The following DPP10 variants were observed in gnomAD, a reference collection of about 807,000 sequenced individuals.
DPP10 encodes inactive dipeptidyl peptidase 10.
In DPP10, 33 loss-of-function variants were observed where a neutral mutation model predicts 120.9. That is an observed-to-expected ratio of 0.27 (90% confidence interval 0.21 to 0.37). DPP10 has a LOEUF of 0.37. DPP10 is among the 10% of genes least tolerant of loss of function. The pLI is 1.00. For missense variants in DPP10, 816 were observed against 942.8 expected (o/e 0.87, Z 1.76); for synonymous variants, 337 against 326.1 (o/e 1.03, Z -0.36).
At chr2:115,733,153 A>T (rs2092951159) in intron 8 of DPP10, among the ~76,000 whole-genome samples, 1 of 152,204 alleles carries the variant, frequency 6.6e-6, no homozygotes, top group South Asian at 2.1e-4. Flanking sequence ...CAATATTCTT[A>T]TCAGCAGATT....
At chr2:114,978,418 G>A (rs1047277370) in intron 1 of DPP10, among the ~76,000 whole-genome samples, 3 of 152,106 alleles carry the variant, frequency 2.0e-5, no homozygotes, top group African/African-American at 7.2e-5. Context: ...TATAACCAAC[G>A]TTTCTGTACA....
chr2:115,124,992 A>G (rs936322384), intron 1 of DPP10, among the ~76,000 whole-genome samples: 1 of 152,240 alleles, frequency 6.6e-6, no homozygotes, highest in African/African-American at 2.4e-5. Context: ...AAATAAAACC[A>G]GACTCCATGC....
At chr2:115,032,434 G>A (rs1019995521) in intron 1 of DPP10, among the ~76,000 whole-genome samples, 2 of 152,080 alleles carry the variant, frequency 1.3e-5, no homozygotes, top group Non-Finnish European at 2.9e-5. Context: ...AAATATTTGC[G>A]AACAGTGTGA....
At chr2:115,708,583 T>C (rs1466483732) in intron 7 of DPP10, among the ~76,000 whole-genome samples, 1 of 152,184 alleles carries the variant, frequency 6.6e-6, no homozygotes, top group East Asian at 1.9e-4. Context: ...CCACTAACTT[T>C]TTTGATTTCC....
At chr2:115,004,677 G>T (rs186388613) in intron 1 of DPP10, among the ~76,000 whole-genome samples, 2 of 152,112 alleles carry the variant, frequency 1.3e-5, no homozygotes, top group African/African-American at 2.4e-5. Flanking sequence ...AAAAAACGGC[G>T]CACCATGAGA....
intron 1 of DPP10, among the ~76,000 whole-genome samples, chr2:114,969,184 A>G (rs1699233181): frequency 6.6e-6 from 1 of 152,244 alleles, no homozygotes; most frequent in Non-Finnish European, 1.5e-5. Context: ...CTGATGTCAT[A>G]TACTTGTCAC....
chr2:114,468,827 G>A (rs1679651111), intron 1 of DPP10, among the ~76,000 whole-genome samples: 1 of 152,146 alleles, frequency 6.6e-6, no homozygotes, highest in Non-Finnish European at 1.5e-5. Context: ...CACTTGAGAA[G>A]TTAATGAAAT....
chr2:115,457,191 G>A (rs985449797), intron 3 of DPP10, among the ~76,000 whole-genome samples: 8 of 151,818 alleles, frequency 5.3e-5, no homozygotes, highest in African/African-American at 1.9e-4. Context: ...TCAACAAATG[G>A]TGATAGGAAA....
intron 1 of DPP10, among the ~76,000 whole-genome samples, chr2:114,724,567 C>T (rs1701919004): frequency 6.6e-6 from 1 of 152,132 alleles, no homozygotes; most frequent in African/African-American, 2.4e-5. Flanking sequence ...GAGAGTCAAG[C>T]ACATGCACAA....
chr2:114,792,014 G>T (rs1475603925), intron 1 of DPP10, among the ~76,000 whole-genome samples: 1 of 152,112 alleles, frequency 6.6e-6, no homozygotes, highest in Non-Finnish European at 1.5e-5. Context: ...TATGAGACAC[G>T]AATGTTGGCA....
In DPP10 at chr2:115,001,471, C is replaced by T. The variant is rs372813141; in HGVS notation, c.61-307768C>T. ...GAATGGGCAAAAGCTGGAAGCATTC[C>T]GCTTGAGAACCACGAGACAACAAAA... On this transcript the variant is annotated intron_variant, in intron 1 of 25. Coordinates refer to ENST00000410059, the MANE Select transcript of DPP10 (RefSeq NM_020868.6). 1.2e-3 allele frequency among the ~76,000 whole-genome samples: 187 copies of T among 152,190 alleles called. 1 individual carries two copies. In the Middle Eastern group the frequency reaches 0.02, roughly 17 times the overall value.
chr2:115,796,958 C>T (rs895317742), intron 19 of DPP10, among the ~76,000 whole-genome samples: 5 of 152,000 alleles, frequency 3.3e-5, no homozygotes, highest in African/African-American at 1.2e-4. Flanking sequence ...CTGTATTACC[C>T]AATGCTGCCT....
chr2:115,076,671 A>G (rs1215890634), intron 1 of DPP10, among the ~76,000 whole-genome samples: 4 of 152,150 alleles, frequency 2.6e-5, no homozygotes, highest in Non-Finnish European at 5.9e-5. Context: ...ATGTTGGTAA[A>G]GGTTACTAAT....
chr2:115,289,300 A>G (rs2060541095), intron 1 of DPP10, among the ~76,000 whole-genome samples: 1 of 151,988 alleles, frequency 6.6e-6, no homozygotes, highest in Non-Finnish European at 1.5e-5. Flanking sequence ...ACAAATGGAC[A>G]AACAGACAAC....
intron 1 of DPP10, among the ~76,000 whole-genome samples, chr2:114,980,466 A>G (rs1463115007): frequency 6.6e-6 from 1 of 152,102 alleles, no homozygotes; most frequent in African/African-American, 2.4e-5. Context: ...ACACTCAAGA[A>G]TATGGTTAAG....
Position 115,044,415 on chromosome 2 carries a change from C to T in DPP10, c.61-264824C>T, listed in dbSNP as rs187951145. 7.0e-3 allele frequency among the ~76,000 whole-genome samples: 1,057 copies of T among 151,936 alleles called. 7 individuals carry two copies. The highest frequency in any genetic ancestry group is 0.024 in the African/African-American group (1,002 of 41,440). ...TTTTAGGGTACATGTGCACAATGTG[C>T]GGGTTTGTTACATATGTATACATGT... On this transcript the variant is annotated intron_variant, in intron 1 of 25. Transcript: ENST00000410059.
At chr2:114,780,638 T>C (rs927112772) in intron 1 of DPP10, among the ~76,000 whole-genome samples, 2 of 152,080 alleles carry the variant, frequency 1.3e-5, no homozygotes, top group Non-Finnish European at 2.9e-5. Flanking sequence ...ACAACATTCC[T>C]CAAAAATGTT....
chr2:115,197,044 A>G (rs1484927754), intron 1 of DPP10, among the ~76,000 whole-genome samples: 1 of 152,178 alleles, frequency 6.6e-6, no homozygotes, highest in Non-Finnish European at 1.5e-5. Flanking sequence ...TAAACATTAC[A>G]TGGGCAAAAG....
intron 1 of DPP10, among the ~76,000 whole-genome samples, chr2:115,263,948 A>G (rs527869395): frequency 3.3e-4 from 50 of 152,258 alleles, no homozygotes; most frequent in South Asian, 1.7e-3. Context: ...AATTCAAGAA[A>G]TGATGAGTTA....
Sources: allele counts gnomAD v4.1 joint callset (sites outside exome capture counted in the v4.1 genomes callset), GRCh38; gene constraint gnomAD v4.1.1; transcripts MANE v1.5; gene names NCBI Gene and HGNC (gene_info 2026-07-23, HGNC 2026-07-21).